Variants in CCDC125 observed in about 807,000 individuals in gnomAD.
CCDC125 encodes coiled-coil domain-containing protein 125.
CCDC125 carries 43 observed loss-of-function variants against 57.4 expected under a neutral mutation model. That is an observed-to-expected ratio of 0.75 (90% CI 0.59 to 0.97). CCDC125 has a LOEUF of 0.97. CCDC125 is among the 50% of genes least tolerant of loss of function. The pLI is 0.00. For missense variants in CCDC125, 563 were observed against 595.7 expected (o/e 0.95, Z 0.57); for synonymous variants, 187 against 195.2 (o/e 0.96, Z 0.35).
chr5:69,330,009 C>T (rs1761224236), intron 1 of CCDC125, among the ~76,000 whole-genome samples: 1 of 152,128 alleles, frequency 6.6e-6, no homozygotes, highest in African/African-American at 2.4e-5. Flanking sequence ...AAAAGATGAC[C>T]AGTGACTTCC....
chr5:69,314,189 G>A lies in CCDC125; in HGVS notation c.305-143C>T, dbSNP rs1261946925. ...GAAGAGAATTATAATAGAACACCAG[G>A]TGCGGTGGCTCACATCTGTAATCCC... On this transcript the variant is annotated intron_variant, in intron 2 of 11. Coordinates refer to ENST00000396496, the MANE Select transcript of CCDC125 (RefSeq NM_176816.5). 6.6e-6 allele frequency: 4 copies of A among 601,614 alleles called. No individual in the cohort carries two copies. In the East Asian group the frequency reaches 1.2e-4, roughly 18 times the overall value. The allele number at this position is 601,614 out of a possible 1,614,324, so 37.3% of individuals were successfully genotyped here. A position where few individuals can be genotyped will look rare whatever the true frequency, so the allele number is the denominator to read the frequency against.
At chr5:69,317,069 T>C (rs2150572044) in intron 2 of CCDC125, among the ~76,000 whole-genome samples, 1 of 152,200 alleles carries the variant, frequency 6.6e-6, no homozygotes, top group East Asian at 1.9e-4. Context: ...AGTGCAGTGG[T>C]GTGATCTTGG....
chr5:69,295,021 A>T, intron 8 of CCDC125, 121 bp from the exon 9 acceptor site: 1 of 674,344 alleles, frequency 1.5e-6, no homozygotes, highest in East Asian at 3.0e-5. Flanking sequence ...GATCCAAAAA[A>T]ACTGGAAAGG....
chr5:69,324,692 A>T (rs924845352), intron 1 of CCDC125, among the ~76,000 whole-genome samples: 1 of 152,204 alleles, frequency 6.6e-6, no homozygotes, highest in African/African-American at 2.4e-5. Context: ...ATATGCAATG[A>T]ATTTCCCAGA....
chr5:69,294,228 G>A, intron 9 of CCDC125: 1 of 608,016 alleles, frequency 1.6e-6, no homozygotes. Flanking sequence ...ATGTATAGAT[G>A]AGAACATATA....
downstream of CCDC125, chr5:69,276,673 C>T (rs1383308777): frequency 3.1e-6 from 5 of 1,614,008 alleles, no homozygotes; most frequent in Admixed American, 5.0e-5. Context: ...AGGAAAAGAA[C>T]AGAGGCCTTA....
At chr5:69,291,365 CA>C (rs939600293) in intron 10 of CCDC125, among the ~76,000 whole-genome samples, 1 of 151,012 alleles carries the variant, frequency 6.6e-6, no homozygotes, top group Non-Finnish European at 1.5e-5. Flanking sequence ...CAATACTGAT[CA>C]TTTTTTTTTT....
At chr5:69,315,760 C>CAA (rs749999748) in intron 2 of CCDC125, among the ~76,000 whole-genome samples, 35,643 of 86,186 alleles carry the variant, frequency 0.41, 6,560 homozygotes, top group East Asian at 0.56. Flanking sequence ...AACTCCGTCT[C>CAA]AAAAAAAAAA....
chr5:69,328,589 CAA>C (rs1761012972), intron 1 of CCDC125, among the ~76,000 whole-genome samples: 1 of 151,946 alleles, frequency 6.6e-6, no homozygotes, highest in Non-Finnish European at 1.5e-5. Flanking sequence ...AAGCAGAATT[CAA>C]AGTTGTCTGT....
chr5:69,306,678 A>G, intron 6 of CCDC125, 139 bp downstream of exon 6: 2 of 1,008,822 alleles, frequency 2.0e-6, no homozygotes, highest in Non-Finnish European at 2.6e-6. Flanking sequence ...CACTAACAAA[A>G]ATATGCGACT....
chr5:69,315,774 A>G lies in CCDC125; in HGVS notation c.305-1728T>C, dbSNP rs72767893. The stretch of plus-strand genomic sequence containing the variant: ...AAACTCCGTCTCAAAAAAAAAAAAA[A>G]AAAAGAAACCAAAAAAAAACCTAAA... On this transcript the variant is annotated intron_variant, in intron 2 of 11. Coordinates refer to ENST00000396496, the MANE Select transcript of CCDC125 (RefSeq NM_176816.5). Among the ~76,000 whole-genome samples the G allele has an allele frequency of 2.1e-4, 29 of 141,460 alleles. 3 individuals carry two copies. Among genetic ancestry groups the G allele is most frequent in the South Asian group, 6.6e-4 (3 of 4,552 alleles). 92.8% of individuals were successfully genotyped at this position (141,460 alleles called of 152,430 possible).
At chr5:69,293,411 G>A (rs1293693681) in intron 9 of CCDC125, among the ~76,000 whole-genome samples, 1 of 151,886 alleles carries the variant, frequency 6.6e-6, no homozygotes, top group African/African-American at 2.4e-5. Context: ...CAGCACTTTG[G>A]GGGGCCAAGG....
intron 1 of CCDC125, among the ~76,000 whole-genome samples, chr5:69,324,916 T>C (rs759745903): frequency 2.6e-5 from 4 of 152,082 alleles, no homozygotes; most frequent in Non-Finnish European, 5.9e-5. Flanking sequence ...TAACACACAA[T>C]GATGGTAAAC....
intron 3 of CCDC125, among the ~76,000 whole-genome samples, chr5:69,312,026 C>T (rs1409868696): frequency 1.3e-5 from 2 of 152,182 alleles, no homozygotes; most frequent in Non-Finnish European, 2.9e-5. Context: ...TGAGCCACTG[C>T]CCCCAGCCTC....
chr5:69,278,232 G>C (rs1009828621), downstream of CCDC125, among the ~76,000 whole-genome samples: 1 of 150,696 alleles, frequency 6.6e-6, no homozygotes, highest in African/African-American at 2.4e-5. Flanking sequence ...TTGAGATGGA[G>C]TCTCGCTCTG....
intron 8 of CCDC125, among the ~76,000 whole-genome samples, chr5:69,295,239 G>A (rs750458334): frequency 1.3e-5 from 2 of 152,050 alleles, no homozygotes; most frequent in Admixed American, 1.3e-4. Context: ...TATGGTTAAC[G>A]CTAACATCCA....
At chr5:69,287,325 G>A (rs200366893) in intron 10 of CCDC125, among the ~76,000 whole-genome samples, 1 of 149,766 alleles carries the variant, frequency 6.7e-6, no homozygotes, top group African/African-American at 2.5e-5. Flanking sequence ...GTGCAACAGC[G>A]CAATCTTGGC....
chr5:69,290,780 C>T (rs921101048), intron 10 of CCDC125, among the ~76,000 whole-genome samples: 4 of 151,548 alleles, frequency 2.6e-5, no homozygotes, highest in African/African-American at 9.7e-5. Flanking sequence ...CAGGCGCCTG[C>T]GACCAAGCCC....
chr5:69,276,543 G>T, downstream of CCDC125: 1 of 1,612,006 alleles, frequency 6.2e-7, no homozygotes, highest in East Asian at 2.2e-5. Flanking sequence ...CTTTTAAAAG[G>T]CACTGAAAAT....
Sources: gnomAD v4.1 joint callset for allele counts (sites outside exome capture counted in the v4.1 genomes callset) on GRCh38, gnomAD v4.1.1 for gene constraint, MANE v1.5 for transcripts, NCBI Gene and HGNC (gene_info 2026-07-23, HGNC 2026-07-21) for gene names.